Variants in PPP2R2B observed in about 807,000 individuals in gnomAD.
PPP2R2B encodes serine/threonine-protein phosphatase 2A 55 kDa regulatory subunit B beta isoform.
Under a neutral mutation model 46.0 loss-of-function variants are expected in PPP2R2B, and 5 were observed. That is an observed-to-expected ratio of 0.11 (90% CI 0.06 to 0.23). PPP2R2B has a LOEUF of 0.23. Ranked by LOEUF, PPP2R2B falls within the 10% of genes least tolerant of loss-of-function variation. The pLI, the probability that PPP2R2B is intolerant of heterozygous loss-of-function variation, is 1.00. For synonymous variants in PPP2R2B, 215 were observed against 206.7 expected (o/e 1.04, Z -0.34); for missense variants, 367 against 575.0 (o/e 0.64, Z 3.70).
intron 5 of PPP2R2B, among the ~76,000 whole-genome samples, chr5:146,662,179 T>C (rs1776716370): frequency 6.6e-6 from 1 of 152,106 alleles, no homozygotes; most frequent in Non-Finnish European, 1.5e-5. Context: ...AGAAGATAAA[T>C]ACAAATTTGA....
chr5:146,775,211 C>T (rs189453279), intron 2 of PPP2R2B, among the ~76,000 whole-genome samples: 7 of 152,244 alleles, frequency 4.6e-5, no homozygotes, highest in African/African-American at 1.4e-4. Flanking sequence ...TAAACTAACA[C>T]ATTTTATGAA....
At chr5:146,943,362 A>T (rs1359591845) in intron 1 of PPP2R2B, among the ~76,000 whole-genome samples, 1 of 152,210 alleles carries the variant, frequency 6.6e-6, no homozygotes, top group Non-Finnish European at 1.5e-5. Context: ...GCATACTCAA[A>T]AAGTAATCAG....
At chr5:146,767,840 A>ATCAT (rs1754584324) in intron 2 of PPP2R2B, among the ~76,000 whole-genome samples, 1 of 152,134 alleles carries the variant, frequency 6.6e-6, no homozygotes, top group Non-Finnish European at 1.5e-5. Flanking sequence ...CCACTATAGA[A>ATCAT]TCATATACAG....
At position 146,993,799 on chromosome 5, in the gene PPP2R2B, C is replaced by T. The variant is rs1424903212; in HGVS notation, c.79+61866G>A. Among the ~76,000 whole-genome samples the T allele has an allele frequency of 1.1e-4, 15 of 130,528 alleles. No individual in the cohort carries two copies. In the Admixed American group the frequency reaches 1.2e-3, roughly 10 times the overall value. The allele number at this position is 130,528 out of a possible 152,430, so 85.6% of individuals were successfully genotyped here. A position where few individuals can be genotyped will look rare whatever the true frequency, so the allele number is the denominator to read the frequency against. ...TCATTGTAACATTAACTAGAAATAT[C>T]CAGCACAGTTTTTTTTTTTAAATAA... On this transcript the variant is annotated intron_variant, in intron 1 of 8. Transcript: ENST00000336640.
intron 2 of PPP2R2B, among the ~76,000 whole-genome samples, chr5:146,872,278 C>T (rs1214066150): frequency 2.0e-5 from 3 of 152,166 alleles, no homozygotes; most frequent in Non-Finnish European, 4.4e-5. Context: ...AGAACATTTC[C>T]CATCCCCAGA....
chr5:146,917,127 A>C (rs1369625318), intron 1 of PPP2R2B, among the ~76,000 whole-genome samples: 1 of 152,210 alleles, frequency 6.6e-6, no homozygotes, highest in Non-Finnish European at 1.5e-5. Context: ...GAAAAGATGA[A>C]CAATCTCTTC....
At chr5:146,984,133 A>G (rs1304025917) in intron 1 of PPP2R2B, among the ~76,000 whole-genome samples, 1 of 152,232 alleles carries the variant, frequency 6.6e-6, no homozygotes, top group Non-Finnish European at 1.5e-5. Flanking sequence ...GAAATTTACA[A>G]TACATTATTA....
At chr5:147,062,858 A>G (rs1245017169) in intron 2 of PPP2R2B, among the ~76,000 whole-genome samples, 1 of 151,492 alleles carries the variant, frequency 6.6e-6, no homozygotes, top group Non-Finnish European at 1.5e-5. Context: ...CTACCTATCA[A>G]TGCCTCCAGA....
chr5:147,006,812 G>A (rs1451954020), intron 1 of PPP2R2B, among the ~76,000 whole-genome samples: 7 of 152,064 alleles, frequency 4.6e-5, no homozygotes, highest in Non-Finnish European at 8.8e-5. Context: ...AGAGGACTCT[G>A]CATCTTCTTA....
intron 2 of PPP2R2B, among the ~76,000 whole-genome samples, chr5:146,870,736 T>C (rs1411767407): frequency 6.6e-6 from 1 of 152,112 alleles, no homozygotes; most frequent in Non-Finnish European, 1.5e-5. Context: ...TAAGGGCCCC[T>C]CTAGATTCCT....
chr5:146,698,298 G>GAA (rs779839513), intron 3 of PPP2R2B, among the ~76,000 whole-genome samples, 154 bp from the exon 4 acceptor site: 344 of 14,470 alleles, frequency 0.024, 84 homozygotes, highest in South Asian at 0.029. Flanking sequence ...TAGCACCTCT[G>GAA]AAAAAAAAAA....
chr5:146,593,204 G>GCCAT, intron 8 of PPP2R2B, 142 bp from the exon 9 acceptor site: 1 of 739,180 alleles, frequency 1.4e-6, no homozygotes, highest in Non-Finnish European at 2.3e-6. Context: ...CTGAACCTAG[G>GCCAT]CTTGGCCCTT....
intron 1 of PPP2R2B, among the ~76,000 whole-genome samples, chr5:146,886,512 A>G (rs1762333217): frequency 6.6e-6 from 1 of 152,116 alleles, no homozygotes; most frequent in African/African-American, 2.4e-5. Flanking sequence ...TATTAAAGAT[A>G]AAAATATCAT....
At chr5:146,920,448 CTT>C (rs1409884996) in intron 1 of PPP2R2B, among the ~76,000 whole-genome samples, 1 of 152,168 alleles carries the variant, frequency 6.6e-6, no homozygotes, top group Non-Finnish European at 1.5e-5. Flanking sequence ...GCATCTGGAT[CTT>C]TAAAGGAAAT....
intron 5 of PPP2R2B, among the ~76,000 whole-genome samples, chr5:146,685,570 T>C (rs1440831566): frequency 1.3e-5 from 2 of 152,196 alleles, no homozygotes; most frequent in Non-Finnish European, 2.9e-5. Flanking sequence ...CTCATGACCT[T>C]TTAGCAATGG....
chr5:146,884,391 T>G lies in PPP2R2B; in HGVS notation c.79+171274A>C, dbSNP rs911662864. Among the ~76,000 whole-genome samples the G allele has an allele frequency of 3.9e-5, 6 of 152,266 alleles. No individual in the cohort carries two copies. The East Asian group carries it at 1.2e-3, about 29-fold the overall frequency. On this transcript the variant is annotated intron_variant, in intron 1 of 8. Transcript: ENST00000336640. ...ATCCTTTCCAGGTTGGTTATGAAATTGCCATGGTAGACTTGTGAGTAATTG... is the reference window on the plus strand; with the variant it reads ...ATCCTTTCCAGGTTGGTTATGAAATGGCCATGGTAGACTTGTGAGTAATTG...
chr5:147,013,016 G>C (rs1754820005), intron 1 of PPP2R2B, among the ~76,000 whole-genome samples: 1 of 151,534 alleles, frequency 6.6e-6, no homozygotes, highest in African/African-American at 2.4e-5. Context: ...TCCTTAAGCT[G>C]ATAAGCAACT....
intron 2 of PPP2R2B, among the ~76,000 whole-genome samples, chr5:147,070,053 T>C (rs770745535): frequency 2.0e-5 from 3 of 152,054 alleles, no homozygotes; most frequent in African/African-American, 7.2e-5. Flanking sequence ...CCTCCCAAAG[T>C]GCTGGGATTA....
chr5:146,601,403 C>T lies in PPP2R2B; in HGVS notation c.791-943G>A, dbSNP rs556034417. ...CTTAAACCCAAGATTTCAAGACCAGCCTGGATAACATAGGAAGATTCTATT... is the reference window on the plus strand; with the variant it reads ...CTTAAACCCAAGATTTCAAGACCAGTCTGGATAACATAGGAAGATTCTATT... On this transcript the variant is annotated intron_variant, in intron 7 of 9. Coordinates refer to ENST00000394411, the MANE Select transcript of PPP2R2B (RefSeq NM_181675.4). Among the ~76,000 whole-genome samples, 11 of 152,200 alleles carry T rather than the reference C, an allele frequency of 7.2e-5. No homozygotes were observed. In the South Asian group the frequency reaches 2.3e-3, roughly 32 times the overall value.
Sources: allele counts gnomAD v4.1 joint callset (sites outside exome capture counted in the v4.1 genomes callset), GRCh38; gene constraint gnomAD v4.1.1; transcripts MANE v1.5; gene names NCBI Gene and HGNC (gene_info 2026-07-23, HGNC 2026-07-21).